PDGFRB: variants seen among roughly 807,000 people sequenced by gnomAD.
PDGFRB encodes platelet-derived growth factor receptor beta.
Under a neutral mutation model 120.2 loss-of-function variants are expected in PDGFRB, and 42 were observed. That is an observed-to-expected ratio of 0.35 (90% CI 0.27 to 0.45). PDGFRB has a LOEUF of 0.45. Among genes scored for constraint, PDGFRB ranks in the 20% least tolerant of loss-of-function variants. PDGFRB has a pLI of 1.00. For synonymous variants in PDGFRB, 586 were observed against 606.8 expected (o/e 0.97, Z 0.50); for missense variants, 1,149 against 1,476.3 (o/e 0.78, Z 3.63).
chr5:150,150,531 C>T (rs1250644280), intron 1 of PDGFRB, among the ~76,000 whole-genome samples: 3 of 136,578 alleles, frequency 2.2e-5, no homozygotes, highest in African/African-American at 5.4e-5. Context: ...GATTTTAATG[C>T]GGTTAAAGCA....
Position 150,113,919 on chromosome 5 carries a change from C to CA in PDGFRB, c.*1843dup. ...ACAGATAGAAAAACTCAACAGCATA[C>CA]AAAATAGCATTTCTGCTGTATAAAT... On this transcript the variant is annotated 3_prime_UTR_variant, in exon 23 of 23. Coordinates refer to ENST00000261799, the MANE Select transcript of PDGFRB (RefSeq NM_002609.4). The CA allele has an allele frequency of 4.3e-6, 1 of 233,176 alleles. No homozygotes were observed. Among genetic ancestry groups the CA allele is most frequent in the East Asian group, 6.1e-5 (1 of 16,526 alleles). 14.4% of individuals were successfully genotyped at this position (233,176 alleles called of 1,614,324 possible).
intron 8 of PDGFRB, 86 bp downstream of exon 8, chr5:150,131,893 T>G: frequency 1.5e-6 from 1 of 687,396 alleles, no homozygotes. Context: ...ACTCCTCCCA[T>G]GGGTGGGTGG....
At chr5:150,137,592 A>C (rs949138186) in intron 1 of PDGFRB, 1 of 156,248 alleles carries the variant, frequency 6.4e-6, no homozygotes, top group African/African-American at 2.4e-5. Context: ...GAAGCCGGGG[A>C]GCCGGGGCTG....
intron 20 of PDGFRB, among the ~76,000 whole-genome samples, chr5:150,119,104 C>T (rs1274840399): frequency 6.6e-6 from 1 of 152,240 alleles, no homozygotes; most frequent in African/African-American, 2.4e-5. Context: ...CCTTCGCCAA[C>T]AGTTTTCAGC....
intron 1 of PDGFRB, among the ~76,000 whole-genome samples, chr5:150,143,794 C>T (rs1466798554): frequency 6.6e-6 from 1 of 152,068 alleles, no homozygotes; most frequent in African/African-American, 2.4e-5. Flanking sequence ...CCACCCGCCC[C>T]CTTCAATCCT....
intron 22 of PDGFRB, 66 bp downstream of exon 22, chr5:150,117,545 CACACACA>C (rs1759992267): frequency 2.9e-6 from 1 of 341,928 alleles, no homozygotes; most frequent in African/African-American, 1.1e-4. Flanking sequence ...CGCGCGCGCG[CACACACA>C]CACACACACA....
At chr5:150,129,222 T>G (rs1488961565) in intron 10 of PDGFRB, among the ~76,000 whole-genome samples, 1 of 152,242 alleles carries the variant, frequency 6.6e-6, no homozygotes, top group African/African-American at 2.4e-5. Flanking sequence ...ACAGGAATTG[T>G]GTACCCACCG....
intron 1 of PDGFRB, among the ~76,000 whole-genome samples, chr5:150,144,587 A>T (rs1760868966): frequency 6.6e-6 from 1 of 152,248 alleles, no homozygotes; most frequent in Non-Finnish European, 1.5e-5. Context: ...GCTCTCCTGC[A>T]GCAAACACCC....
chr5:150,115,788 G>T lies in PDGFRB; in HGVS notation c.3296C>A (p.Ala1099Glu), dbSNP rs373655593. The change falls in exon 23 of 23, where the codon GCG becomes GAG. Residue 1099 changes from alanine (A) to glutamate (E), a missense_variant. Ala to Glu is a moderately radical substitution (Grantham distance 107). Around this residue, in one of 3 missense-constraint regions of PDGFRB, gnomAD observed 202 missense variants for 214.3 expected, o/e 0.94. Transcript: ENST00000261799. Reference protein sequence around the residue: ...LPDSGCPAPRAEAEDSFL With the variant: ...LPDSGCPAPREEAEDSFL ...CTACAGGAAGCTATCCTCTGCTTCC[G>T]CCCGAGGCGCAGGGCACCCCGAATC... 2.5e-6 allele frequency: 4 copies of T among 1,609,968 alleles called. No homozygotes were observed. The highest frequency in any genetic ancestry group is 1.3e-5 in the African/African-American group (1 of 74,794).
rs760991901 is a variant in PDGFRB at position 150,119,600 on chromosome 5, T to G, written c.2699-34A>C. 3 of 1,336,578 alleles carry G rather than the reference T, an allele frequency of 2.2e-6. No individual in the cohort carries two copies. The African/African-American group carries it at 4.3e-5, about 19-fold the overall frequency. The allele number at this position is 1,336,578 out of a possible 1,614,324, so 82.8% of individuals were successfully genotyped here. ...GAGCAGAGACAAGAGATACACAGGC[T>G]CAGGGGTGGAAAAGTGGCAGGGCAC... On this transcript the variant is annotated intron_variant, in intron 19 of 22. Transcript: ENST00000261799.
Position 150,120,642 on chromosome 5 carries a change from C to T in PDGFRB, c.2586+246G>A, listed in dbSNP as rs1760101871. Among the ~76,000 whole-genome samples, 1 of 152,218 alleles carries T rather than the reference C, an allele frequency of 6.6e-6. No homozygotes were observed. Among genetic ancestry groups the T allele is most frequent in the Non-Finnish European group, 1.5e-5 (1 of 68,034 alleles). ...CACATTCGGCCTGTTCCCCCTTCCC[C>T]CACCCTGGACCCATTATAGCCAGCC... On this transcript the variant is annotated intron_variant, in intron 18 of 22. Coordinates refer to ENST00000261799, the MANE Select transcript of PDGFRB (RefSeq NM_002609.4). The surrounding 1 kb of genome is among the most constrained non-coding windows in gnomAD (Gnocchi z 4.3).
chr5:150,151,768 A>G (rs1188021397), intron 1 of PDGFRB, among the ~76,000 whole-genome samples: 1 of 151,202 alleles, frequency 6.6e-6, no homozygotes, highest in Non-Finnish European at 1.5e-5. Context: ...AGGCTGAGGC[A>G]GGAGAATCAC....
At chr5:150,152,606 T>C (rs1399666260) in intron 1 of PDGFRB, among the ~76,000 whole-genome samples, 3 of 152,224 alleles carry the variant, frequency 2.0e-5, no homozygotes, top group Non-Finnish European at 4.4e-5. Flanking sequence ...CAGCAGCCTG[T>C]TCTGAGCCAA....
At chr5:150,129,322 G>A (rs114690389) in intron 10 of PDGFRB, among the ~76,000 whole-genome samples, 130 of 152,116 alleles carry the variant, frequency 8.5e-4, no homozygotes, top group African/African-American at 3.0e-3. Flanking sequence ...CACGTGGTGG[G>A]TTTACATACA....
chr5:150,151,948 T>TTTA lies in PDGFRB; in HGVS notation c.-7+3448_-7+3449insTAA, dbSNP rs1562033505. Among the ~76,000 whole-genome samples, 364 of 150,422 alleles carry TTTA rather than the reference T, an allele frequency of 2.4e-3. 1 individual carries two copies. The highest frequency in any genetic ancestry group is 8.5e-3 in the African/African-American group (337 of 39,858). ...GGTTTATTTATTTATTTATTTATTT[T>TTTA]TTTTGAGACAGTCTTGCCCTGTCGC... is the stretch of plus-strand genomic sequence containing the variant. On this transcript the variant is annotated intron_variant, in intron 1 of 22. Transcript: ENST00000261799.
Position 150,132,229 on chromosome 5 carries a change from G to A in PDGFRB, c.1128-135C>T, listed in dbSNP as rs3733678. On this transcript the variant is annotated intron_variant, in intron 7 of 22. Coordinates refer to ENST00000261799, the MANE Select transcript of PDGFRB (RefSeq NM_002609.4). The surrounding 1 kb of genome is among the most constrained non-coding windows in gnomAD (Gnocchi z 5.0). ...TCATCTCGGCATTGGTAGCAGAGCC[G>A]GGACTCAAACCAGGTCTCGTAAATC... 60,620 of 613,008 alleles carry A rather than the reference G, an allele frequency of 0.099. 4,008 individuals carry two copies. Among genetic ancestry groups the A allele is most frequent in the East Asian group, 0.27 (9,636 of 35,046 alleles). 38.0% of individuals were successfully genotyped at this position (613,008 alleles called of 1,614,324 possible).
At chr5:150,139,371 T>C (rs1342086955) in intron 1 of PDGFRB, among the ~76,000 whole-genome samples, 2 of 152,132 alleles carry the variant, frequency 1.3e-5, no homozygotes, top group Non-Finnish European at 2.9e-5. Flanking sequence ...CCAGCCTCTC[T>C]GAACTCTGCG....
rs1314883519 is a variant in PDGFRB at position 150,117,735 on chromosome 5, A to T, written c.3020T>A (p.Val1007Asp). ...ATTGGGCTGCACGGCAGTATAGAGG[A>T]CGGAGCTGGTGTCCAGGGGAGATCG... is the stretch of plus-strand genomic sequence containing the variant. ...GLRSPLDTSS[V>D]LYTAVQPNEG... is the part of the protein sequence containing the mutation. Residue 1007 changes from valine (V) to aspartate (D), a missense_variant, in exon 22 of 23, where the codon GTC becomes GAC. Val to Asp is a radical substitution (Grantham distance 152). Coordinates refer to ENST00000261799, the MANE Select transcript of PDGFRB (RefSeq NM_002609.4). 6.2e-7 allele frequency: 1 copy of T among 1,613,660 alleles called. No homozygotes were observed. Among genetic ancestry groups the T allele is most frequent in the Non-Finnish European group, 8.5e-7 (1 of 1,179,626 alleles).
Position 150,124,774 on chromosome 5 carries a change from A to G in PDGFRB, c.1865T>C (p.Leu622Pro). The G allele has an allele frequency of 6.2e-7, 1 of 1,609,038 alleles. No individual in the cohort carries two copies. The highest frequency in any genetic ancestry group is 8.5e-7 in the Non-Finnish European group (1 of 1,176,172). ...GQVVEATAHG[L>P]SHSQATMKVA... ...TTTCATCGTGGCCTGAGAATGGCTC[A>G]GGCCATGAGCCGTGGCCTCCACCAC... The change falls in exon 13 of 23, where the codon CTG becomes CCG. Residue 622 changes from leucine to proline, a missense_variant. Around this residue, in one of 3 missense-constraint regions of PDGFRB, gnomAD observed 879 missense variants for 1,108.6 expected, o/e 0.79. Coordinates refer to ENST00000261799, the MANE Select transcript of PDGFRB (RefSeq NM_002609.4).
Sources: gnomAD v4.1 joint callset for allele counts (sites outside exome capture counted in the v4.1 genomes callset) on GRCh38, gnomAD v4.1.1 for gene constraint, gnomAD v4.1.1 regional missense constraint, Gnocchi (gnomAD v3.1) non-coding constraint, MANE v1.5 for transcripts, NCBI Gene and HGNC (gene_info 2026-07-23, HGNC 2026-07-21) for gene names.